LSAMP: variants seen among roughly 807,000 people sequenced by gnomAD.
LSAMP encodes the protein limbic system associated membrane protein, also known as limbic system-associated membrane protein.
A neutral mutation model predicts 38.6 loss-of-function variants in LSAMP; 7 were observed. The observed-to-expected ratio is 0.18, with a 90% confidence interval of 0.10 to 0.34. LSAMP has a LOEUF of 0.34. Ranked by LOEUF, LSAMP falls within the 10% of genes least tolerant of loss-of-function variation. The pLI is 1.00. For synonymous variants in LSAMP, 154 were observed against 166.8 expected, an observed-to-expected ratio of 0.92 and a Z score of 0.59; for missense variants, 313 against 420.0, an observed-to-expected ratio of 0.75 and a Z score of 2.23.
chr3:116,206,534 G>A (rs1266626592), intron 1 of LSAMP, among the ~76,000 whole-genome samples: 6 of 104,442 alleles, frequency 5.7e-5, no homozygotes, highest in Non-Finnish European at 1.3e-4. Flanking sequence ...TTCTCTTGGC[G>A]GCATTTAGTG....
chr3:115,846,962 C>T (rs909822799), intron 4 of LSAMP, among the ~76,000 whole-genome samples: 6 of 152,142 alleles, frequency 3.9e-5, no homozygotes, highest in Non-Finnish European at 8.8e-5. Flanking sequence ...CCCTTGCAGC[C>T]CCTCACCTAG....
In LSAMP at chr3:115,972,027, A is replaced by G. The variant is rs575019440; in HGVS notation, c.514+47488T>C. On this transcript the variant is annotated intron_variant, in intron 3 of 6. Transcript: ENST00000490035. Reference sequence around the variant, plus strand: ...TGTAGAAAATAATTTTCAAGAATATACATTTCATTAGGTTTAGCACACTAA... The same window carrying G: ...TGTAGAAAATAATTTTCAAGAATATGCATTTCATTAGGTTTAGCACACTAA... Among the ~76,000 whole-genome samples, 4 of 152,226 alleles carry G rather than the reference A, an allele frequency of 2.6e-5. No individual in the cohort carries two copies. The East Asian group carries it at 7.7e-4, about 29-fold the overall frequency.
intron 6 of LSAMP, among the ~76,000 whole-genome samples, chr3:115,827,690 T>A (rs1434514775): frequency 2.0e-5 from 3 of 152,176 alleles, no homozygotes; most frequent in Non-Finnish European, 2.9e-5. Context: ...AAATGACTTG[T>A]AAGGTCTCTT....
At chr3:116,169,605 A>C (rs531278346) in intron 1 of LSAMP, among the ~76,000 whole-genome samples, 1 of 152,156 alleles carries the variant, frequency 6.6e-6, no homozygotes, top group African/African-American at 2.4e-5. Flanking sequence ...AACAATCCCC[A>C]TTCCTCACAG....
rs116816086 is a variant in LSAMP, at chr3:116,050,086, C to T, written c.389-30446G>A. 6.5e-3 allele frequency among the ~76,000 whole-genome samples: 986 copies of T among 152,232 alleles called. 9 individuals carry two copies. Among genetic ancestry groups the T allele is most frequent in the African/African-American group, 0.023 (938 of 41,522 alleles). On this transcript the variant is annotated intron_variant, in intron 2 of 6. Coordinates refer to ENST00000490035, the MANE Select transcript of LSAMP (RefSeq NM_002338.5). ...CTTGTCTCTGGCTTCCAATTGGGAT[C>T]AATCAGTGAGGAATATTAATAAAAG... is the stretch of plus-strand genomic sequence containing the variant.
At chr3:116,413,325 G>T (rs2107843253) in intron 1 of LSAMP, among the ~76,000 whole-genome samples, 1 of 151,998 alleles carries the variant, frequency 6.6e-6, no homozygotes, top group African/African-American at 2.4e-5. Flanking sequence ...TGGAAATCCT[G>T]AAAACTACCT....
intron 1 of LSAMP, among the ~76,000 whole-genome samples, chr3:116,409,147 T>C (rs2048938050): frequency 6.6e-6 from 1 of 152,012 alleles, no homozygotes; most frequent in Non-Finnish European, 1.5e-5. Flanking sequence ...TCATTGACAT[T>C]GTTATGAGAC....
chr3:115,819,343 G>T (rs1412881879), intron 6 of LSAMP, among the ~76,000 whole-genome samples: 1 of 151,966 alleles, frequency 6.6e-6, no homozygotes, highest in Non-Finnish European at 1.5e-5. Flanking sequence ...GCGGAGGCAG[G>T]AGAATCGCTT....
chr3:116,230,660 A>G (rs2046392769), intron 1 of LSAMP, among the ~76,000 whole-genome samples: 1 of 152,154 alleles, frequency 6.6e-6, no homozygotes, highest in Non-Finnish European at 1.5e-5. Flanking sequence ...CTCCTTTGTG[A>G]CTAAGCCTTT....
chr3:115,912,060 C>A (rs1413133573), intron 3 of LSAMP, among the ~76,000 whole-genome samples: 1 of 152,192 alleles, frequency 6.6e-6, no homozygotes, highest in African/African-American at 2.4e-5. Flanking sequence ...TACATTCTAG[C>A]TATCACTCCT....
chr3:115,979,524 T>C (rs1188435099), intron 3 of LSAMP, among the ~76,000 whole-genome samples: 2 of 152,102 alleles, frequency 1.3e-5, no homozygotes, highest in African/African-American at 4.8e-5. Flanking sequence ...GCTTTGAAGG[T>C]TCTATGATTT....
At chr3:116,406,398 A>T (rs2048897962) in intron 1 of LSAMP, among the ~76,000 whole-genome samples, 1 of 152,052 alleles carries the variant, frequency 6.6e-6, no homozygotes, top group South Asian at 2.1e-4. Flanking sequence ...AAAGAGTTTA[A>T]ATTTTCAGAG....
chr3:116,191,162 G>T (rs1441411086), intron 1 of LSAMP, among the ~76,000 whole-genome samples: 1 of 152,138 alleles, frequency 6.6e-6, no homozygotes, highest in Non-Finnish European at 1.5e-5. Flanking sequence ...GGTGGAGCTT[G>T]CAGTGAGCCA....
chr3:115,968,897 C>T (rs1559901648), intron 3 of LSAMP, among the ~76,000 whole-genome samples: 2 of 152,210 alleles, frequency 1.3e-5, no homozygotes, highest in African/African-American at 4.8e-5. Flanking sequence ...CAATTCCCCT[C>T]TGGCTAGGAC....
chr3:116,050,141 G>A (rs933664699), intron 2 of LSAMP, among the ~76,000 whole-genome samples: 2 of 152,086 alleles, frequency 1.3e-5, no homozygotes, highest in African/African-American at 4.8e-5. Flanking sequence ...TGATATCTGG[G>A]CATTTATTTC....
At chr3:115,910,980 A>G (rs1388659279) in intron 3 of LSAMP, among the ~76,000 whole-genome samples, 1 of 152,192 alleles carries the variant, frequency 6.6e-6, no homozygotes, top group Non-Finnish European at 1.5e-5. Flanking sequence ...AATGCTCCCA[A>G]CACTTAGGAA....
intron 1 of LSAMP, among the ~76,000 whole-genome samples, chr3:116,425,445 T>C (rs1193820245): frequency 3.9e-5 from 6 of 152,170 alleles, no homozygotes; most frequent in African/African-American, 1.2e-4. Context: ...TAAGGGTTAG[T>C]GGAAATAGTA....
chr3:116,428,327 G>A (rs2049232507), intron 1 of LSAMP, among the ~76,000 whole-genome samples: 1 of 152,134 alleles, frequency 6.6e-6, no homozygotes, highest in African/African-American at 2.4e-5. Flanking sequence ...GCTTGGTGGT[G>A]TGGGCCTGTA....
intron 1 of LSAMP, among the ~76,000 whole-genome samples, chr3:116,253,025 A>G (rs565511444): frequency 6.6e-6 from 1 of 152,326 alleles, no homozygotes; most frequent in East Asian, 1.9e-4. Context: ...ACGACATTCA[A>G]CTAAACCAGC....
Sources: allele counts gnomAD v4.1 joint callset (sites outside exome capture counted in the v4.1 genomes callset), GRCh38; gene constraint gnomAD v4.1.1; transcripts MANE v1.5; gene names NCBI Gene and HGNC (gene_info 2026-07-23, HGNC 2026-07-21).